Variants in CTNND2 observed in about 807,000 individuals in gnomAD.
The protein encoded by CTNND2 is catenin delta-2.
CTNND2 carries 22 observed loss-of-function variants against 144.4 expected under a neutral mutation model. The ratio of observed to expected loss-of-function variants is 0.15; its 90% CI spans 0.11 to 0.22. The LOEUF (loss-of-function observed/expected upper bound fraction) is 0.22, where lower values mean the gene tolerates loss of function less well. Ranked by LOEUF, CTNND2 falls within the 10% of genes least tolerant of loss-of-function variation. CTNND2 has a pLI of 1.00. For missense variants in CTNND2, 1,353 were observed against 1,618.8 expected (o/e 0.84, Z 2.82); for synonymous variants, 751 against 695.6 (o/e 1.08, Z -1.25).
chr5:11,379,782 C>T (rs979863020), intron 7 of CTNND2, among the ~76,000 whole-genome samples: 106 of 152,268 alleles, frequency 7.0e-4, no homozygotes, highest in African/African-American at 2.5e-3. Context: ...CCTCCACACA[C>T]TGCCCAGAAC....
At chr5:11,295,760 T>C (rs905161037) in intron 9 of CTNND2, among the ~76,000 whole-genome samples, 14 of 152,182 alleles carry the variant, frequency 9.2e-5, no homozygotes, top group Non-Finnish European at 1.9e-4. Flanking sequence ...TAAACTGTGC[T>C]GGGAAAACTG....
intron 1 of CTNND2, among the ~76,000 whole-genome samples, chr5:11,887,506 G>GAA (rs200507205): frequency 2.8e-4 from 38 of 134,774 alleles, no homozygotes; most frequent in African/African-American, 9.2e-4. Flanking sequence ...CTTTGAGCAA[G>GAA]CAAAAAAAAA....
At chr5:11,468,578 C>T (rs1039776302) in intron 3 of CTNND2, among the ~76,000 whole-genome samples, 2 of 152,150 alleles carry the variant, frequency 1.3e-5, no homozygotes, top group African/African-American at 4.8e-5. Flanking sequence ...CTGAAACGTC[C>T]AAAGGGTGCT....
At chr5:11,143,546 C>T (rs1756949982) in intron 12 of CTNND2, among the ~76,000 whole-genome samples, 1 of 152,170 alleles carries the variant, frequency 6.6e-6, no homozygotes, top group South Asian at 2.1e-4. Flanking sequence ...GTCTTTGTGT[C>T]CAAATTTCCC....
At position 11,768,267 on chromosome 5, in the gene CTNND2, A is replaced by AGTTTTGTTTTGTTTTGTTTT. The variant is rs60666239; in HGVS notation, c.38-36015_38-35996dup. ...TCAGAGAGTCTCTCTCCCACTCAGG[A>AGTTTTGTTTTGTTTTGTTTT]GTTTTGTTTTGTTTTGTTTTGTTTT... On this transcript the variant is annotated intron_variant, in intron 1 of 21. Coordinates refer to ENST00000304623, the MANE Select transcript of CTNND2 (RefSeq NM_001332.4). 4.1e-3 allele frequency among the ~76,000 whole-genome samples: 616 copies of AGTTTTGTTTTGTTTTGTTTT among 148,832 alleles called. 11 individuals carry two copies. The highest frequency in any genetic ancestry group is 0.015 in the African/African-American group (580 of 39,994).
rs114420144 is a variant in CTNND2, at chr5:11,486,691, A to G, written c.288-74622T>C. On this transcript the variant is annotated intron_variant, in intron 3 of 21. Coordinates refer to ENST00000304623, the MANE Select transcript of CTNND2 (RefSeq NM_001332.4). ...AAAAGGAGAGACTGAGAAAAAAGCA[A>G]TTCAAAAATCATCACTAGTTTATCT... 5.6e-3 allele frequency among the ~76,000 whole-genome samples: 850 copies of G among 152,240 alleles called. 13 individuals are homozygous for G. Among genetic ancestry groups the G allele is most frequent in the African/African-American group, 0.019 (806 of 41,562 alleles).
chr5:11,109,510 A>G (rs1021691155), intron 14 of CTNND2, among the ~76,000 whole-genome samples: 1 of 152,208 alleles, frequency 6.6e-6, no homozygotes, highest in Non-Finnish European at 1.5e-5. Context: ...CTGGACTAGA[A>G]AAAGTTCTAG....
At position 11,602,539 on chromosome 5, in the gene CTNND2, C is replaced by G. The variant is rs563480748; in HGVS notation, c.175-37483G>C. Among the ~76,000 whole-genome samples the G allele has an allele frequency of 3.3e-5, 5 of 151,698 alleles. No homozygotes were observed. In the South Asian group the frequency reaches 1.0e-3, roughly 32 times the overall value. On this transcript the variant is annotated intron_variant, in intron 2 of 21. Transcript: ENST00000304623. ...GTAGTCTGTCCAGATGGGAGAGTGA[C>G]ACACTGAACCACTGGGGGCACTAAT...
intron 15 of CTNND2, among the ~76,000 whole-genome samples, chr5:11,085,253 A>T (rs1195987108): frequency 6.6e-6 from 1 of 152,276 alleles, no homozygotes; most frequent in Non-Finnish European, 1.5e-5. Context: ...ACTGGTGAGC[A>T]GTGATGTGTT....
chr5:11,528,450 A>G (rs1303833388), intron 3 of CTNND2, among the ~76,000 whole-genome samples: 1 of 152,236 alleles, frequency 6.6e-6, no homozygotes, highest in Non-Finnish European at 1.5e-5. Context: ...AGAAATATTC[A>G]AGAGTTCGTC....
intron 9 of CTNND2, among the ~76,000 whole-genome samples, chr5:11,316,415 T>C (rs569101446): frequency 6.6e-6 from 1 of 151,678 alleles, no homozygotes; most frequent in African/African-American, 2.4e-5. Context: ...AGATGTATCA[T>C]CTCTTTTAAT....
chr5:11,851,743 G>T (rs1016333815), intron 1 of CTNND2, among the ~76,000 whole-genome samples: 1 of 152,202 alleles, frequency 6.6e-6, no homozygotes, highest in African/African-American at 2.4e-5. Flanking sequence ...AATTCCATTT[G>T]TGATTTTGGT....
At chr5:11,357,345 G>T (rs1038885323) in intron 8 of CTNND2, among the ~76,000 whole-genome samples, 2 of 152,078 alleles carry the variant, frequency 1.3e-5, no homozygotes, top group Admixed American at 6.5e-5. Flanking sequence ...ATACTATTCA[G>T]ACATTTAAGA....
chr5:11,753,809 T>C (rs1035154117), intron 1 of CTNND2, among the ~76,000 whole-genome samples: 6 of 151,908 alleles, frequency 3.9e-5, no homozygotes, highest in Non-Finnish European at 8.8e-5. Flanking sequence ...CTCAGCTTTT[T>C]CTGGTTCGCA....
chr5:11,539,003 C>T lies in CTNND2; in HGVS notation c.287+25941G>A, dbSNP rs1246860789. Reference sequence around the variant, plus strand: ...ATTTTTAAAAATCTCTAAGTTATTGCTATTAAGATTCATTAATATTATTGC... The same window carrying T: ...ATTTTTAAAAATCTCTAAGTTATTGTTATTAAGATTCATTAATATTATTGC... On this transcript the variant is annotated intron_variant, in intron 3 of 21. Coordinates refer to ENST00000304623, the MANE Select transcript of CTNND2 (RefSeq NM_001332.4). Among the ~76,000 whole-genome samples, 4 of 152,162 alleles carry T rather than the reference C, an allele frequency of 2.6e-5. No individual in the cohort carries two copies. In the East Asian group the frequency reaches 5.8e-4, roughly 22 times the overall value.
chr5:11,568,047 A>G lies in CTNND2; in HGVS notation c.175-2991T>C, dbSNP rs563799459. On this transcript the variant is annotated intron_variant, in intron 2 of 21. Coordinates refer to ENST00000304623, the MANE Select transcript of CTNND2 (RefSeq NM_001332.4). ...CTAGGGCTAATCATCCTGCCCTATGAAGGCAAGACACTTCTGAGCCCCAAC... is the reference window on the plus strand; with the variant it reads ...CTAGGGCTAATCATCCTGCCCTATGGAGGCAAGACACTTCTGAGCCCCAAC... 1.0e-3 allele frequency among the ~76,000 whole-genome samples: 153 copies of G among 152,288 alleles called. 1 individual carries two copies. Among genetic ancestry groups the G allele is most frequent in the African/African-American group, 3.4e-3 (143 of 41,570 alleles).
At chr5:11,634,163 A>G (rs1227635920) in intron 2 of CTNND2, among the ~76,000 whole-genome samples, 1 of 152,128 alleles carries the variant, frequency 6.6e-6, no homozygotes, top group Non-Finnish European at 1.5e-5. Context: ...TCAACCGACT[A>G]TATACTCATC....
At chr5:11,512,348 T>C (rs1460543678) in intron 3 of CTNND2, among the ~76,000 whole-genome samples, 1 of 152,246 alleles carries the variant, frequency 6.6e-6, no homozygotes, top group African/African-American at 2.4e-5. Context: ...GCTGCTGGAA[T>C]TCTCCTAAAT....
chr5:11,190,384 A>G (rs564355046), intron 11 of CTNND2, among the ~76,000 whole-genome samples: 8 of 152,328 alleles, frequency 5.3e-5, no homozygotes, highest in Middle Eastern at 3.4e-3. Context: ...CCTGGTCTCC[A>G]TAAGATGTGC....
Sources: gnomAD v4.1 joint callset for allele counts (sites outside exome capture counted in the v4.1 genomes callset) on GRCh38, gnomAD v4.1.1 for gene constraint, MANE v1.5 for transcripts, NCBI Gene and HGNC (gene_info 2026-07-23, HGNC 2026-07-21) for gene names.